STAG1: variants seen among roughly 807,000 people sequenced by gnomAD.
STAG1 encodes the protein STAG1 cohesin complex component.
In STAG1, 26 loss-of-function variants were observed where a neutral mutation model predicts 170.9. That is an observed-to-expected ratio of 0.15 (90% CI 0.11 to 0.21). The LOEUF (loss-of-function observed/expected upper bound fraction) is 0.21, where lower values mean the gene tolerates loss of function less well. Among genes scored for constraint, STAG1 ranks in the 10% least tolerant of loss-of-function variants. The pLI is 1.00. For synonymous variants in STAG1, 514 were observed against 497.7 expected, an observed-to-expected ratio of 1.03 and a Z score of -0.44; for missense variants, 964 against 1,509.5, an observed-to-expected ratio of 0.64 and a Z score of 5.99.
At chr3:136,485,911 A>G (rs147198301) in intron 9 of STAG1, among the ~76,000 whole-genome samples, 17 of 152,346 alleles carry the variant, frequency 1.1e-4, no homozygotes, top group African/African-American at 3.4e-4. Context: ...ATATTCTCTC[A>G]TAAATGGAAA....
chr3:136,361,939 T>C (rs1319274082), intron 26 of STAG1, among the ~76,000 whole-genome samples: 2 of 151,734 alleles, frequency 1.3e-5, no homozygotes, highest in South Asian at 2.1e-4. Context: ...ACTTATGTTA[T>C]ATATAATTAA....
At chr3:136,608,054 C>T (rs560852297) in intron 3 of STAG1, among the ~76,000 whole-genome samples, 1 of 152,134 alleles carries the variant, frequency 6.6e-6, no homozygotes, top group Non-Finnish European at 1.5e-5. Context: ...ATAAGGAGTT[C>T]TAGACCAGCC....
At chr3:136,534,110 A>T (rs1430639552) in intron 6 of STAG1, among the ~76,000 whole-genome samples, 2 of 152,202 alleles carry the variant, frequency 1.3e-5, no homozygotes, top group Non-Finnish European at 2.9e-5. Flanking sequence ...CCACATATTT[A>T]CAGCCAACTG....
chr3:136,383,613 C>T (rs940543325), intron 22 of STAG1, among the ~76,000 whole-genome samples: 1 of 152,162 alleles, frequency 6.6e-6, no homozygotes, highest in East Asian at 1.9e-4. Flanking sequence ...ACAACTGATC[C>T]TTACAACTGT....
chr3:136,399,765 A>T (rs2087264647), intron 21 of STAG1, among the ~76,000 whole-genome samples: 1 of 152,152 alleles, frequency 6.6e-6, no homozygotes, highest in Non-Finnish European at 1.5e-5. Flanking sequence ...TTATACTCTT[A>T]AAAGTTACTA....
intron 1 of STAG1, among the ~76,000 whole-genome samples, chr3:136,742,238 C>G (rs1368197232): frequency 6.6e-6 from 1 of 152,094 alleles, no homozygotes; most frequent in Non-Finnish European, 1.5e-5. Context: ...GAATACTACA[C>G]CCAACAACTG....
In STAG1 at chr3:136,460,682, T is replaced by TC. The variant is rs567900095; in HGVS notation, c.1313+4198dup. Among the ~76,000 whole-genome samples the TC allele has an allele frequency of 4.2e-3, 596 of 140,708 alleles. 4 individuals carry two copies. The highest frequency in any genetic ancestry group is 0.011 in the African/African-American group (404 of 37,876). 92.3% of individuals were successfully genotyped at this position (140,708 alleles called of 152,430 possible). ...ATGATACTGAAGCACTAATAAAGTC[T>TC]CCCCCCCCAAAAAAAAAAGCCCGGT... On this transcript the variant is annotated intron_variant, in intron 13 of 33. Transcript: ENST00000383202.
intron 13 of STAG1, among the ~76,000 whole-genome samples, chr3:136,452,485 A>G (rs570633226): frequency 6.6e-6 from 1 of 151,710 alleles, no homozygotes; most frequent in Non-Finnish European, 1.5e-5. Flanking sequence ...AATGGCATGA[A>G]CCCAGGAGGC....
At chr3:136,505,298 C>G (rs911166620) in intron 7 of STAG1, among the ~76,000 whole-genome samples, 1 of 152,208 alleles carries the variant, frequency 6.6e-6, no homozygotes, top group African/African-American at 2.4e-5. Context: ...TTAGCTTTCA[C>G]ATTTTAACTG....
chr3:136,667,993 C>G (rs1459209774), intron 1 of STAG1, among the ~76,000 whole-genome samples: 4 of 151,786 alleles, frequency 2.6e-5, no homozygotes, highest in Non-Finnish European at 5.9e-5. Context: ...GTAAGACCAT[C>G]CTGGCCAACT....
chr3:136,494,063 G>C (rs951594149), intron 9 of STAG1, among the ~76,000 whole-genome samples: 2 of 152,168 alleles, frequency 1.3e-5, no homozygotes, highest in Non-Finnish European at 2.9e-5. Flanking sequence ...TTGAGGTCAA[G>C]AGTTCTAACC....
At chr3:136,560,618 T>C (rs965504103) in intron 5 of STAG1, among the ~76,000 whole-genome samples, 8 of 152,236 alleles carry the variant, frequency 5.3e-5, no homozygotes, top group African/African-American at 1.4e-4. Context: ...TACTACATAT[T>C]GAGTTAGCCA....
At chr3:136,416,991 C>T (rs533336180) in intron 21 of STAG1, among the ~76,000 whole-genome samples, 97 of 151,880 alleles carry the variant, frequency 6.4e-4, no homozygotes, top group African/African-American at 2.3e-3. Context: ...GGACTACAGG[C>T]GCATGCCACT....
intron 1 of STAG1, among the ~76,000 whole-genome samples, chr3:136,709,273 G>C (rs1001907725): frequency 6.7e-6 from 1 of 149,672 alleles, no homozygotes; most frequent in Non-Finnish European, 1.5e-5. Flanking sequence ...CTGGGCGACA[G>C]AGCGAGACTC....
At chr3:136,615,152 G>A (rs141194412) in intron 3 of STAG1, among the ~76,000 whole-genome samples, 3 of 151,902 alleles carry the variant, frequency 2.0e-5, no homozygotes, top group Non-Finnish European at 4.4e-5. Context: ...GTATTAGTAA[G>A]ATTAGCATAT....
chr3:136,702,767 A>C (rs1943119592), intron 1 of STAG1, among the ~76,000 whole-genome samples: 1 of 152,114 alleles, frequency 6.6e-6, no homozygotes. Flanking sequence ...AGATAACGTC[A>C]ATATATAAAA....
intron 3 of STAG1, among the ~76,000 whole-genome samples, chr3:136,622,356 A>T (rs1939903165): frequency 6.6e-6 from 1 of 151,920 alleles, no homozygotes; most frequent in African/African-American, 2.4e-5. Context: ...ATTTTTAGCA[A>T]TACACACTAA....
chr3:136,706,489 A>C (rs1943231304), intron 1 of STAG1, among the ~76,000 whole-genome samples: 1 of 152,256 alleles, frequency 6.6e-6, no homozygotes, highest in Non-Finnish European at 1.5e-5. Flanking sequence ...CCAAAAATTA[A>C]AATATCTAAA....
intron 23 of STAG1, among the ~76,000 whole-genome samples, chr3:136,369,552 T>C (rs1937211746): frequency 6.6e-6 from 1 of 152,160 alleles, no homozygotes; most frequent in African/African-American, 2.4e-5. Context: ...TTAAGATAGT[T>C]TGACTTGAAC....
Sources: gnomAD v4.1 joint callset for allele counts (sites outside exome capture counted in the v4.1 genomes callset) on GRCh38, gnomAD v4.1.1 for gene constraint, MANE v1.5 for transcripts, NCBI Gene and HGNC (gene_info 2026-07-23, HGNC 2026-07-21) for gene names.